Variants in DOT1L observed in about 807,000 individuals in gnomAD.
The protein encoded by DOT1L is DOT1 like histone lysine methyltransferase.
A neutral mutation model predicts 153.3 loss-of-function variants in DOT1L; 33 were observed. The ratio of observed to expected loss-of-function variants is 0.22; its 90% CI spans 0.16 to 0.29. The LOEUF is 0.29. Ranked by LOEUF, DOT1L falls within the 10% of genes least tolerant of loss-of-function variation. DOT1L has a pLI of 1.00. For synonymous variants in DOT1L, 1,135 were observed against 965.1 expected, an observed-to-expected ratio of 1.18 and a Z score of -3.26; for missense variants, 1,847 against 2,119.9, an observed-to-expected ratio of 0.87 and a Z score of 2.53.
At chr19:2,175,631 C>T (rs1251619553) in intron 1 of DOT1L, among the ~76,000 whole-genome samples, 1 of 152,274 alleles carries the variant, frequency 6.6e-6, no homozygotes, top group East Asian at 1.9e-4. Context: ...GAGTTCAAGA[C>T]CAGCCTGGCC....
At chr19:2,168,574 C>T (rs1291855447) in intron 1 of DOT1L, among the ~76,000 whole-genome samples, 1 of 152,114 alleles carries the variant, frequency 6.6e-6, no homozygotes, top group Non-Finnish European at 1.5e-5. Context: ...TCTTACATGA[C>T]CTGGGAGTTC....
chr19:2,229,891 C>T lies in DOT1L; in HGVS notation c.*99C>T, dbSNP rs1322106265. ...GGCCTGCCGGGCTCCCACCCCTGGACGGCAGAGGCAAGGACGGACGGGAGC... is the reference window on the plus strand; with the variant it reads ...GGCCTGCCGGGCTCCCACCCCTGGATGGCAGAGGCAAGGACGGACGGGAGC... On this transcript the variant is annotated 3_prime_UTR_variant, in exon 28 of 28. Transcript: ENST00000398665. 22 of 1,606,176 alleles carry T rather than the reference C, an allele frequency of 1.4e-5. No homozygotes were observed. The highest frequency in any genetic ancestry group is 9.9e-5 in the South Asian group (9 of 90,908).
rs1159249839 is a variant in DOT1L at position 2,210,761 on chromosome 19, T to A, written c.1257T>A (p.Thr419=). 5.6e-6 allele frequency: 9 copies of A among 1,612,870 alleles called. No homozygotes were observed. The African/African-American group carries it at 1.2e-4, about 22-fold the overall frequency. The change falls in exon 14 of 28, where the codon ACT becomes ACA. Residue 419 remains threonine (T), a synonymous_variant. Transcript: ENST00000398665. ...GCGGGCGCCCCAAGAAGATGAACAC[T>A]GCGAACCCCGAGCGGAAGCCCAAGA... ...RKRGRPKKMN[T]ANPERKPKKN...
intron 27 of DOT1L, 48 bp from the exon 28 acceptor site, chr19:2,229,737 G>A: frequency 1.2e-6 from 2 of 1,612,150 alleles, no homozygotes; most frequent in Non-Finnish European, 1.7e-6. Flanking sequence ...GGCTCCCCCA[G>A]GCGCGATGGT....
At position 2,176,484 on chromosome 19, in the gene DOT1L, A is replaced by G. The variant is rs185009012; in HGVS notation, c.82-4229A>G. Among the ~76,000 whole-genome samples the G allele has an allele frequency of 1.2e-4, 19 of 152,330 alleles. No homozygotes were observed. The East Asian group carries it at 2.3e-3, about 19-fold the overall frequency. ...GAAGTACACTTACGTGGCCCCCAAA[A>G]TAATGTCACGCTGCCAAGGAGAGCA... On this transcript the variant is annotated intron_variant, in intron 1 of 27. Transcript: ENST00000398665.
intron 12 of DOT1L, 146 bp from the exon 13 acceptor site, chr19:2,210,254 A>G (rs1451040629): frequency 1.3e-6 from 1 of 755,566 alleles, no homozygotes; most frequent in East Asian, 3.0e-5. Flanking sequence ...TCTGGGCCTC[A>G]GTTTCCTGAT....
In DOT1L at chr19:2,197,006, G is replaced by A. The variant is rs980656827; in HGVS notation, c.651+2429G>A. On this transcript the variant is annotated intron_variant, in intron 7 of 27. Coordinates refer to ENST00000398665, the MANE Select transcript of DOT1L (RefSeq NM_032482.3). The surrounding 1 kb of genome is among the most constrained non-coding windows in gnomAD (Gnocchi z 4.1). ...CTGTGATGGGTTTCCAGTGCTGAAC[G>A]CGTCCGCCTTGGTCGGCGTGCGATT... 1.3e-5 allele frequency among the ~76,000 whole-genome samples: 2 copies of A among 152,326 alleles called. No homozygotes were observed. The highest frequency in any genetic ancestry group is 3.9e-4 in the East Asian group (2 of 5,178).
chr19:2,187,815 A>G (rs553367264), intron 3 of DOT1L, among the ~76,000 whole-genome samples: 105 of 151,580 alleles, frequency 6.9e-4, no homozygotes, highest in South Asian at 6.3e-3. Context: ...CCAGTTAGTC[A>G]GGAGGCTGAG....
chr19:2,194,599 C>T (rs202007003), intron 7 of DOT1L, 22 bp downstream of exon 7: 31 of 1,607,034 alleles, frequency 1.9e-5, no homozygotes, highest in East Asian at 8.9e-5. Context: ...CGCTCCGCCC[C>T]GGCTCCCATC....
At chr19:2,201,592 C>T (rs576340272) in intron 8 of DOT1L, among the ~76,000 whole-genome samples, 1 of 152,350 alleles carries the variant, frequency 6.6e-6, no homozygotes, top group Admixed American at 6.5e-5. Flanking sequence ...GCTGTGCCCG[C>T]CGGCGGGTGT....
At chr19:2,195,462 G>A (rs891263348) in intron 7 of DOT1L, among the ~76,000 whole-genome samples, 32 of 152,122 alleles carry the variant, frequency 2.1e-4, no homozygotes, top group Admixed American at 1.3e-4. Context: ...AGACCTCCCC[G>A]CCCTTATGGG....
chr19:2,182,332 A>G (rs2022279402), intron 2 of DOT1L, among the ~76,000 whole-genome samples: 1 of 152,074 alleles, frequency 6.6e-6, no homozygotes, highest in Non-Finnish European at 1.5e-5. Context: ...ACTTGAATCC[A>G]GGAGCTGGAG....
rs1287575483 is a variant in DOT1L, at chr19:2,232,297, C to G, written c.*2505C>G. ...AAGACTTCCCCCTTAATTTATCTGCCCCCAGGATGCGTCAGTCTGTTCAGT... is the reference window on the plus strand; with the variant it reads ...AAGACTTCCCCCTTAATTTATCTGCGCCCAGGATGCGTCAGTCTGTTCAGT... On this transcript the variant is annotated 3_prime_UTR_variant, in exon 28 of 28. Transcript: ENST00000398665. 1 of 215,884 alleles carries G rather than the reference C, an allele frequency of 4.6e-6. No homozygotes were observed. The highest frequency in any genetic ancestry group is 9.3e-6 in the Non-Finnish European group (1 of 107,438). 13.4% of individuals were successfully genotyped at this position (215,884 alleles called of 1,614,324 possible). A position where few individuals can be genotyped will look rare whatever the true frequency, so the allele number is the denominator to read the frequency against.
intron 27 of DOT1L, chr19:2,228,686 C>T: frequency 1.0e-6 from 1 of 985,376 alleles, no homozygotes; most frequent in Non-Finnish European, 1.2e-6. Flanking sequence ...TCACGGGGTG[C>T]CAGGCCAGGG....
intron 27 of DOT1L, chr19:2,227,686 T>C: frequency 7.7e-7 from 1 of 1,293,774 alleles, no homozygotes. Flanking sequence ...GCTCTGCGCT[T>C]GCCTGGATGC....
intron 27 of DOT1L, chr19:2,228,149 T>C (rs561225396): frequency 1.5e-6 from 2 of 1,365,012 alleles, no homozygotes; most frequent in African/African-American, 1.5e-5. Context: ...CCTCTTTGTC[T>C]ATCAAGCTCA....
chr19:2,229,089 C>T (rs1262904998), intron 27 of DOT1L: 2 of 985,446 alleles, frequency 2.0e-6, no homozygotes, highest in East Asian at 2.3e-4. Context: ...GATGTCAGCA[C>T]CAAGCTGGGC....
intron 1 of DOT1L, among the ~76,000 whole-genome samples, chr19:2,180,078 G>A (rs2022156524): frequency 6.6e-6 from 1 of 152,180 alleles, no homozygotes; most frequent in Non-Finnish European, 1.5e-5. Context: ...TGGACGGGGA[G>A]GGATCTGTGT....
chr19:2,165,850 G>A (rs1352888554), intron 1 of DOT1L, among the ~76,000 whole-genome samples: 1 of 150,100 alleles, frequency 6.7e-6, no homozygotes, highest in African/African-American at 2.5e-5. Flanking sequence ...CTCGCTGCAA[G>A]CTCCGCCTCC....
Sources: allele counts gnomAD v4.1 joint callset (sites outside exome capture counted in the v4.1 genomes callset), GRCh38; gene constraint gnomAD v4.1.1; non-coding constraint Gnocchi (gnomAD v3.1); transcripts MANE v1.5; gene names NCBI Gene and HGNC (gene_info 2026-07-23, HGNC 2026-07-21).